The following ENTHD1 variants were observed in gnomAD, a reference collection of about 807,000 sequenced individuals.
ENTHD1 encodes the protein ENTH domain-containing protein 1.
A neutral mutation model predicts 39.1 loss-of-function variants in ENTHD1; 23 were observed. That is an observed-to-expected ratio of 0.59 (90% CI 0.42 to 0.83). The LOEUF (loss-of-function observed/expected upper bound fraction) is 0.83, where lower values mean the gene tolerates loss of function less well. ENTHD1 is among the 40% of genes least tolerant of loss of function. The pLI, the probability that ENTHD1 is intolerant of heterozygous loss-of-function variation, is 0.00. For synonymous variants in ENTHD1, 230 were observed against 258.2 expected (o/e 0.89, Z 1.05); for missense variants, 624 against 705.4 (o/e 0.88, Z 1.31).
intron 5 of ENTHD1, among the ~76,000 whole-genome samples, chr22:39,816,973 G>GA (rs1470966881): frequency 2.6e-5 from 4 of 150,980 alleles, no homozygotes; most frequent in Admixed American, 6.6e-5. Context: ...CAATTTAAAT[G>GA]AAAAAAATAA....
At position 39,743,668 on chromosome 22, in the gene ENTHD1, T is replaced by C. The variant is rs2065077238; in HGVS notation, c.*11A>G. 1.9e-6 allele frequency: 3 copies of C among 1,572,008 alleles called. No homozygotes were observed. Among genetic ancestry groups the C allele is most frequent in the Middle Eastern group, 1.7e-4 (1 of 5,836 alleles). ...CCACACGAGTTCTATCAAAAATAGA[T>C]ATTGTGATGATTAGATCTGATCTGA... is the stretch of plus-strand genomic sequence containing the variant. On this transcript the variant is annotated 3_prime_UTR_variant, in exon 7 of 7. Coordinates refer to ENST00000325157, the MANE Select transcript of ENTHD1 (RefSeq NM_152512.4).
chr22:39,778,923 T>G (rs1354704973), intron 5 of ENTHD1, among the ~76,000 whole-genome samples: 1 of 152,222 alleles, frequency 6.6e-6, no homozygotes, highest in Non-Finnish European at 1.5e-5. Context: ...GTGAAGCCTT[T>G]AAACCTTAAA....
intron 4 of ENTHD1, among the ~76,000 whole-genome samples, chr22:39,823,706 G>A (rs973707112): frequency 6.6e-6 from 1 of 152,102 alleles, no homozygotes; most frequent in Non-Finnish European, 1.5e-5. Context: ...TGTTCATATA[G>A]TAGCCACGTT....
intron 6 of ENTHD1, among the ~76,000 whole-genome samples, chr22:39,747,975 A>G (rs925574709): frequency 6.6e-6 from 1 of 152,114 alleles, no homozygotes; most frequent in Admixed American, 6.5e-5. Flanking sequence ...CCGGCTGGGC[A>G]TGGTGGCTCA....
intron 3 of ENTHD1, among the ~76,000 whole-genome samples, chr22:39,854,797 C>A (rs535673376): frequency 6.6e-6 from 1 of 152,216 alleles, no homozygotes; most frequent in African/African-American, 2.4e-5. Flanking sequence ...AGAAGGGAAG[C>A]ACAGCTGTTT....
chr22:39,835,739 G>C, intron 4 of ENTHD1, 101 bp downstream of exon 4: 1 of 743,338 alleles, frequency 1.3e-6, no homozygotes, highest in Non-Finnish European at 2.2e-6. Flanking sequence ...AGTGAGCCCT[G>C]GGTCAGGCTT....
At chr22:39,768,485 AACCCT>A (rs1401359817) in intron 5 of ENTHD1, among the ~76,000 whole-genome samples, 2 of 152,100 alleles carry the variant, frequency 1.3e-5, no homozygotes. Flanking sequence ...AATCCTATTA[AACCCT>A]ACTATTCCTC....
intron 3 of ENTHD1, among the ~76,000 whole-genome samples, chr22:39,851,073 C>T (rs1014239193): frequency 1.1e-4 from 16 of 151,958 alleles, no homozygotes; most frequent in African/African-American, 3.9e-4. Context: ...ACTATTTCAC[C>T]CTCACCCTTA....
At chr22:39,887,932 T>A (rs2066394823) in intron 1 of ENTHD1, 29 bp from the exon 2 acceptor site, 2 of 524,246 alleles carry the variant, frequency 3.8e-6, no homozygotes, top group Non-Finnish European at 6.6e-6. Context: ...AAAATTTACA[T>A]TAAACTTTTT....
At chr22:39,764,702 C>G (rs1315706131) in intron 6 of ENTHD1, among the ~76,000 whole-genome samples, 2 of 151,090 alleles carry the variant, frequency 1.3e-5, no homozygotes, top group East Asian at 3.9e-4. Context: ...AACAATACTG[C>G]AATCTTCTTA....
At chr22:39,765,129 A>G (rs1408822433) in intron 6 of ENTHD1, 94 bp downstream of exon 6, 56 of 1,436,658 alleles carry the variant, frequency 3.9e-5, no homozygotes, top group Non-Finnish European at 4.8e-5. Flanking sequence ...AAAAAAGGAG[A>G]CAGAAAGCAG....
intron 5 of ENTHD1, among the ~76,000 whole-genome samples, chr22:39,784,797 G>C (rs1202346881): frequency 6.6e-6 from 1 of 152,070 alleles, no homozygotes; most frequent in African/African-American, 2.4e-5. Context: ...TGGGGATGCA[G>C]GGAAGTTGAT....
chr22:39,856,045 C>T (rs542568344), intron 3 of ENTHD1, among the ~76,000 whole-genome samples: 14 of 152,200 alleles, frequency 9.2e-5, no homozygotes, highest in African/African-American at 2.4e-4. Flanking sequence ...GAGGCTGAGG[C>T]GGGCAGATCA....
At chr22:39,879,462 CAAAAAA>C (rs34372930) in intron 2 of ENTHD1, among the ~76,000 whole-genome samples, 3 of 16,442 alleles carry the variant, frequency 1.8e-4, no homozygotes, top group Non-Finnish European at 3.4e-4. Context: ...GACTCTGTCT[CAAAAAA>C]AAAAAAAAAA....
chr22:39,765,708 A>T, intron 5 of ENTHD1, 99 bp from the exon 6 acceptor site: 1 of 1,207,324 alleles, frequency 8.3e-7, no homozygotes. Flanking sequence ...TTTTAATGTC[A>T]TAACAGAATT....
chr22:39,755,653 G>C (rs756183662), intron 6 of ENTHD1, among the ~76,000 whole-genome samples: 10 of 152,178 alleles, frequency 6.6e-5, no homozygotes, highest in Non-Finnish European at 1.5e-4. Context: ...AAACTCCTGG[G>C]TACTTTTGGA....
At chr22:39,749,972 T>C (rs2065136184) in intron 6 of ENTHD1, among the ~76,000 whole-genome samples, 1 of 152,210 alleles carries the variant, frequency 6.6e-6, no homozygotes, top group South Asian at 2.1e-4. Flanking sequence ...GATCAGTGCC[T>C]CTTCAATGGA....
rs759366808 is a variant in ENTHD1 at position 39,744,102 on chromosome 22, C to T, written c.1401G>A (p.Lys467=). The T allele has an allele frequency of 3.7e-5, 59 of 1,614,014 alleles. No individual in the cohort carries two copies. The highest frequency in any genetic ancestry group is 1.6e-4 in the Middle Eastern group (1 of 6,084). The change falls in exon 7 of 7, where the codon AAG becomes AAA. Residue 467 remains lysine, a synonymous_variant. Coordinates refer to ENST00000325157, the MANE Select transcript of ENTHD1 (RefSeq NM_152512.4). ...TSFKDEDKTA[K]LHHSFASRGP... is the part of the protein sequence containing the mutation. ...CCCTAGAAGCAAAGGAGTGATGCAG[C>T]TTGGCTGTCTTATCTTCATCTTTAA...
At chr22:39,787,224 T>C (rs2146594929) in intron 5 of ENTHD1, among the ~76,000 whole-genome samples, 1 of 152,276 alleles carries the variant, frequency 6.6e-6, no homozygotes, top group Non-Finnish European at 1.5e-5. Flanking sequence ...AAATGCTGTG[T>C]GTGTTCTGAT....
Sources: allele counts gnomAD v4.1 joint callset (sites outside exome capture counted in the v4.1 genomes callset), GRCh38; gene constraint gnomAD v4.1.1; transcripts MANE v1.5; gene names NCBI Gene and HGNC (gene_info 2026-07-23, HGNC 2026-07-21).